The following RBM20 variants were observed in gnomAD, a reference collection of about 807,000 sequenced individuals.
RBM20 encodes the protein RNA-binding protein 20.
In RBM20, 51 loss-of-function variants were observed where a neutral mutation model predicts 110.1. That is an observed-to-expected ratio of 0.46 (90% confidence interval 0.37 to 0.59). The LOEUF (loss-of-function observed/expected upper bound fraction) is 0.59, where lower values mean the gene tolerates loss of function less well. Ranked by LOEUF, RBM20 falls within the 20% of genes least tolerant of loss-of-function variation. The pLI is 0.00. For synonymous variants in RBM20, 589 were observed against 618.2 expected (o/e 0.95, Z 0.70); for missense variants, 1,512 against 1,574.9 (o/e 0.96, Z 0.68).
In RBM20 at chr10:110,697,861, T is replaced by TTA. The variant is rs919401343; in HGVS notation, c.191+53218_191+53219dup. On this transcript the variant is annotated intron_variant, in intron 1 of 13. Transcript: ENST00000369519. The stretch of plus-strand genomic sequence containing the variant: ...ACACCACAATCCCATCAATTCTCAA[T>TTA]TATTTATTCCCTCACATTGAAGAAA... 6.0e-4 allele frequency among the ~76,000 whole-genome samples: 91 copies of TTA among 151,652 alleles called. 1 individual carries two copies. Among genetic ancestry groups the TTA allele is most frequent in the African/African-American group, 2.0e-3 (84 of 41,416 alleles).
chr10:110,733,898 C>T (rs1413369389), intron 1 of RBM20, among the ~76,000 whole-genome samples: 2 of 152,230 alleles, frequency 1.3e-5, no homozygotes, highest in Admixed American at 6.5e-5. Context: ...GATGCTGACA[C>T]GTGACTTCAG....
At chr10:110,721,839 A>G (rs1843510330) in intron 1 of RBM20, among the ~76,000 whole-genome samples, 1 of 151,892 alleles carries the variant, frequency 6.6e-6, no homozygotes, top group African/African-American at 2.4e-5. Context: ...TCCTCACCTC[A>G]CCTACAGCCC....
In RBM20 at chr10:110,644,746, G is replaced by GC. The variant is rs1861844346; in HGVS notation, c.191+107dup. On this transcript the variant is annotated intron_variant, in intron 1 of 13. Transcript: ENST00000369519. The surrounding 1 kb of genome is among the most constrained non-coding windows in gnomAD (Gnocchi z 4.3). ...TTCCCGTCCCTGCTGAACTTCGCTC[G>GC]CCCCCCTTGGGTTTGAAGTTTTCTC... The GC allele has an allele frequency of 3.6e-5, 33 of 921,666 alleles. No individual in the cohort carries two copies. In the East Asian group the frequency reaches 9.5e-4, roughly 27 times the overall value. The allele number at this position is 921,666 out of a possible 1,614,324, so 57.1% of individuals were successfully genotyped here.
At chr10:110,758,862 A>C (rs956727897) in intron 1 of RBM20, among the ~76,000 whole-genome samples, 1 of 152,194 alleles carries the variant, frequency 6.6e-6, no homozygotes, top group Non-Finnish European at 1.5e-5. Context: ...GGTACTGAGG[A>C]TATGTCACCC....
At chr10:110,685,399 A>G (rs1366593282) in intron 1 of RBM20, among the ~76,000 whole-genome samples, 1 of 152,074 alleles carries the variant, frequency 6.6e-6, no homozygotes, top group East Asian at 1.9e-4. Flanking sequence ...ACTCGCAGGG[A>G]CTTTCTTGTT....
intron 1 of RBM20, among the ~76,000 whole-genome samples, chr10:110,667,763 G>A (rs1862199658): frequency 6.6e-6 from 1 of 152,150 alleles, no homozygotes; most frequent in South Asian, 2.1e-4. Flanking sequence ...CCTGGGAAGT[G>A]TCTGGGAGCC....
chr10:110,648,170 A>T (rs1861896379), intron 1 of RBM20, among the ~76,000 whole-genome samples: 1 of 152,236 alleles, frequency 6.6e-6, no homozygotes, highest in African/African-American at 2.4e-5. Context: ...GGCTAGTGTT[A>T]CCTGCGTGTA....
chr10:110,822,897 G>A (rs1844932921), intron 11 of RBM20, among the ~76,000 whole-genome samples: 1 of 152,108 alleles, frequency 6.6e-6, no homozygotes, highest in African/African-American at 2.4e-5. Context: ...AAACCGTGAG[G>A]CCCAGGCTCT....
intron 1 of RBM20, among the ~76,000 whole-genome samples, chr10:110,695,596 G>A (rs989160589): frequency 1.3e-5 from 2 of 152,234 alleles, no homozygotes; most frequent in African/African-American, 4.8e-5. Flanking sequence ...ATGTATTGAA[G>A]AGAGGCCCAA....
chr10:110,736,769 A>G (rs1368721228), intron 1 of RBM20, among the ~76,000 whole-genome samples: 1 of 152,144 alleles, frequency 6.6e-6, no homozygotes, highest in Non-Finnish European at 1.5e-5. Flanking sequence ...GAATGTTTGT[A>G]TCCCTCCAAA....
intron 1 of RBM20, among the ~76,000 whole-genome samples, chr10:110,767,967 T>C (rs914231318): frequency 1.3e-5 from 2 of 152,358 alleles, no homozygotes; most frequent in African/African-American, 4.8e-5. Flanking sequence ...CCAGACTCCG[T>C]CTGCAATCCC....
At chr10:110,730,598 A>T (rs538254123) in intron 1 of RBM20, among the ~76,000 whole-genome samples, 3 of 152,220 alleles carry the variant, frequency 2.0e-5, no homozygotes, top group Admixed American at 6.5e-5. Flanking sequence ...GTTGCTAGGA[A>T]CTTCATCTGT....
At chr10:110,802,654 T>A (rs1480039354) in intron 7 of RBM20, among the ~76,000 whole-genome samples, 1 of 152,114 alleles carries the variant, frequency 6.6e-6, no homozygotes, top group East Asian at 1.9e-4. Flanking sequence ...TAGTTTGGGG[T>A]GGTGCAAAAA....
intron 13 of RBM20, 143 bp downstream of exon 13, chr10:110,831,325 C>A: frequency 1.3e-6 from 1 of 797,682 alleles, no homozygotes; most frequent in Non-Finnish European, 1.9e-6. Flanking sequence ...GGTTACTTGC[C>A]ATTCCCCAAG....
intron 1 of RBM20, among the ~76,000 whole-genome samples, chr10:110,748,675 C>T (rs1843815391): frequency 6.6e-6 from 1 of 152,122 alleles, no homozygotes; most frequent in South Asian, 2.1e-4. Context: ...TTCTCTCTCT[C>T]TCTCTCTTTC....
intron 7 of RBM20, among the ~76,000 whole-genome samples, chr10:110,800,933 G>A (rs895684370): frequency 5.9e-5 from 9 of 152,096 alleles, no homozygotes; most frequent in African/African-American, 2.2e-4. Flanking sequence ...GGACATTTGA[G>A]TTGTTTTAGG....
intron 1 of RBM20, among the ~76,000 whole-genome samples, chr10:110,765,617 C>T (rs1476708553): frequency 6.6e-6 from 1 of 152,106 alleles, no homozygotes; most frequent in African/African-American, 2.4e-5. Flanking sequence ...CAAGCACAAC[C>T]AAACATGACT....
intron 1 of RBM20, among the ~76,000 whole-genome samples, chr10:110,730,922 T>A (rs1282596857): frequency 1.3e-5 from 2 of 152,168 alleles, no homozygotes; most frequent in African/African-American, 4.8e-5. Flanking sequence ...CCGCCCCCCA[T>A]CCTGCTTAGA....
At chr10:110,666,013 GAGAGGGGAA>G (rs1862171367) in intron 1 of RBM20, among the ~76,000 whole-genome samples, 4 of 150,560 alleles carry the variant, frequency 2.7e-5, no homozygotes, top group Non-Finnish European at 5.9e-5. Context: ...GAGAGAGAGA[GAGAGGGGAA>G]GGAAGGAAGG....
Sources: allele counts gnomAD v4.1 joint callset (sites outside exome capture counted in the v4.1 genomes callset), GRCh38; gene constraint gnomAD v4.1.1; non-coding constraint Gnocchi (gnomAD v3.1); transcripts MANE v1.5; gene names NCBI Gene and HGNC (gene_info 2026-07-23, HGNC 2026-07-21).